TNR: variants seen among roughly 807,000 people sequenced by gnomAD.
TNR encodes tenascin R.
A neutral mutation model predicts 150.4 loss-of-function variants in TNR; 45 were observed. The ratio of observed to expected loss-of-function variants is 0.30; its 90% CI spans 0.24 to 0.38. The LOEUF is 0.38. Ranked by LOEUF, TNR falls within the 10% of genes least tolerant of loss-of-function variation. The pLI is 1.00. For missense variants in TNR, 1,544 were observed against 1,759.1 expected (o/e 0.88, Z 2.19); for synonymous variants, 687 against 678.4 (o/e 1.01, Z -0.20).
At chr1:175,652,561 G>A (rs1040822259) in intron 1 of TNR, among the ~76,000 whole-genome samples, 2 of 152,190 alleles carry the variant, frequency 1.3e-5, no homozygotes, top group Non-Finnish European at 2.9e-5. Context: ...GATCATGAGG[G>A]TGGACTTCCC....
chr1:175,384,554 G>A (rs564669219), intron 8 of TNR, among the ~76,000 whole-genome samples: 4 of 152,292 alleles, frequency 2.6e-5, no homozygotes, highest in East Asian at 3.9e-4. Flanking sequence ...TTTTAAGGGG[G>A]AAGCTTTTCC....
chr1:175,468,685 G>A (rs1319207098), intron 2 of TNR, among the ~76,000 whole-genome samples: 1 of 152,148 alleles, frequency 6.6e-6, no homozygotes, highest in African/African-American at 2.4e-5. Flanking sequence ...ATTCTAGGTA[G>A]GAGGGTCTGC....
intron 1 of TNR, among the ~76,000 whole-genome samples, chr1:175,529,227 G>T (rs1659971505): frequency 6.6e-6 from 1 of 152,136 alleles, no homozygotes; most frequent in African/African-American, 2.4e-5. Flanking sequence ...TGAGCCCCAG[G>T]GATATCATTT....
intron 2 of TNR, among the ~76,000 whole-genome samples, chr1:175,423,636 C>A (rs1434338446): frequency 3.3e-5 from 5 of 152,092 alleles, no homozygotes; most frequent in Admixed American, 3.3e-4. Context: ...CCTAAGAAAC[C>A]AGAGGGGATT....
intron 18 of TNR, among the ~76,000 whole-genome samples, chr1:175,340,216 T>C (rs1264904915): frequency 6.6e-6 from 1 of 151,358 alleles, no homozygotes; most frequent in Non-Finnish European, 1.5e-5. Context: ...AGCTGGTTGG[T>C]GGGGTGGCGG....
chr1:175,364,866 G>T, intron 12 of TNR, 144 bp downstream of exon 12: 2 of 1,027,492 alleles, frequency 1.9e-6, no homozygotes, highest in Non-Finnish European at 2.8e-6. Flanking sequence ...GGAAGTAGCT[G>T]TTTCAGAACA....
At chr1:175,448,646 G>C (rs572570390) in intron 2 of TNR, among the ~76,000 whole-genome samples, 140 of 152,328 alleles carry the variant, frequency 9.2e-4, no homozygotes, top group African/African-American at 2.6e-3. Context: ...CTTTCGAGCT[G>C]TGGAGGCAAC....
intron 1 of TNR, among the ~76,000 whole-genome samples, chr1:175,639,882 C>G (rs924339389): frequency 1.3e-5 from 2 of 152,204 alleles, no homozygotes; most frequent in Admixed American, 1.3e-4. Flanking sequence ...TGTCCTCTGT[C>G]AGAACCTTCC....
At chr1:175,479,613 CT>C (rs1657691277) in intron 2 of TNR, among the ~76,000 whole-genome samples, 1 of 152,150 alleles carries the variant, frequency 6.6e-6, no homozygotes, top group African/African-American at 2.4e-5. Context: ...AGCCAGAGTT[CT>C]GAGGTTTATA....
In TNR at chr1:175,581,110, A is replaced by G. The variant is rs116587659; in HGVS notation, c.-164-52741T>C. On this transcript the variant is annotated intron_variant, in intron 1 of 22. Coordinates refer to ENST00000367674, the MANE Select transcript of TNR (RefSeq NM_003285.3). ...ACAGCTGGCTTTTAAATATCCACAG[A>G]ACTTTCTGCATGGTGTTGTGGCTGG... 7.1e-3 allele frequency among the ~76,000 whole-genome samples: 1,088 copies of G among 152,334 alleles called. 6 individuals carry two copies. Among genetic ancestry groups the G allele is most frequent in the South Asian group, 0.013 (64 of 4,820 alleles).
chr1:175,442,725 G>T (rs1655851892), intron 2 of TNR, among the ~76,000 whole-genome samples: 1 of 151,754 alleles, frequency 6.6e-6, no homozygotes, highest in African/African-American at 2.4e-5. Context: ...CTTGTCAACT[G>T]CCCGAGACCA....
At position 175,316,701 on chromosome 1, in the gene TNR, G is replaced by A. The variant is rs1353933518; in HGVS notation, c.*6656C>T. On this transcript the variant is annotated 3_prime_UTR_variant, in exon 23 of 23. Coordinates refer to ENST00000367674, the MANE Select transcript of TNR (RefSeq NM_003285.3). Reference sequence around the variant, plus strand: ...CAAAAGAGTGGGGTGGGGGGTATTGGGTTTATGTTCTGGTTCTTATCTTCC... The same window carrying A: ...CAAAAGAGTGGGGTGGGGGGTATTGAGTTTATGTTCTGGTTCTTATCTTCC... The A allele has an allele frequency of 2.6e-5, 4 of 151,998 alleles. No homozygotes were observed. The highest frequency in any genetic ancestry group is 9.7e-5 in the African/African-American group (4 of 41,398). The allele number at this position is 151,998 out of a possible 1,614,324, so 9.4% of individuals were successfully genotyped here.
chr1:175,591,379 T>C (rs2101838196), intron 1 of TNR, among the ~76,000 whole-genome samples: 1 of 152,332 alleles, frequency 6.6e-6, no homozygotes, highest in Middle Eastern at 3.4e-3. Context: ...TAATAAGCCC[T>C]TGAGACCCTG....
intron 2 of TNR, among the ~76,000 whole-genome samples, chr1:175,471,360 C>T (rs991060804): frequency 3.3e-5 from 5 of 152,146 alleles, no homozygotes; most frequent in East Asian, 1.9e-4. Context: ...AGAAATGTGT[C>T]GTTAGTCGAC....
chr1:175,569,836 C>G (rs1339120366), intron 1 of TNR, among the ~76,000 whole-genome samples: 2 of 152,174 alleles, frequency 1.3e-5, no homozygotes, highest in East Asian at 1.9e-4. Context: ...GACAATGAGA[C>G]TCAGAAAGGT....
In TNR at chr1:175,411,030, G is replaced by A. The variant is rs186969225; in HGVS notation, c.-63-4253C>T. Among the ~76,000 whole-genome samples, 210 of 152,270 alleles carry A rather than the reference G, an allele frequency of 1.4e-3. 2 individuals are homozygous for A. The highest frequency in any genetic ancestry group is 2.4e-4 in the Non-Finnish European group (16 of 68,014). ...TACATTTGCTAAAACTATGATATGT[G>A]CAAGAGCATGGCTTGTTCGATGAAT... On this transcript the variant is annotated intron_variant, in intron 2 of 22. Transcript: ENST00000367674.
chr1:175,346,568 A>G (rs1331052796), intron 18 of TNR, among the ~76,000 whole-genome samples: 1 of 152,190 alleles, frequency 6.6e-6, no homozygotes, highest in Non-Finnish European at 1.5e-5. Flanking sequence ...AATATGAAAA[A>G]AAATAAAATG....
intron 1 of TNR, among the ~76,000 whole-genome samples, chr1:175,583,905 G>A (rs1429414024): frequency 1.3e-5 from 2 of 152,178 alleles, no homozygotes; most frequent in Admixed American, 1.3e-4. Flanking sequence ...AGACAGGCCA[G>A]CTCACCCTGC....
At position 175,366,026 on chromosome 1, in the gene TNR, T is replaced by C. The variant is rs7516376; in HGVS notation, c.2166A>G (p.Pro722=). The C allele has an allele frequency of 9.9e-3, 15,957 of 1,613,998 alleles. 1,274 individuals carry two copies. The African/African-American group carries it at 0.18, about 18-fold the overall frequency. Residue 722 remains proline (P), a synonymous_variant, in exon 11 of 23, where the codon CCA becomes CCG. Transcript: ENST00000367674. ...TGACTTCTGAGGCAATCCCAGAGGA[T>C]GGGGTAAAGGTAATTCGGTAGTGGT... ...PIDHYRITFT[P]SSGIASEVTV... is the part of the protein sequence containing the mutation.
Sources: gnomAD v4.1 joint callset for allele counts (sites outside exome capture counted in the v4.1 genomes callset) on GRCh38, gnomAD v4.1.1 for gene constraint, MANE v1.5 for transcripts, NCBI Gene and HGNC (gene_info 2026-07-23, HGNC 2026-07-21) for gene names.